TENM1: variants seen among roughly 807,000 people sequenced by gnomAD.
TENM1 encodes the protein teneurin-1.
A neutral mutation model predicts 174.8 loss-of-function variants in TENM1; 35 were observed. The observed-to-expected ratio is 0.20, with a 90% CI of 0.15 to 0.27. TENM1 has a LOEUF of 0.27. TENM1 is among the 10% of genes least tolerant of loss of function. The pLI, the probability that TENM1 is intolerant of heterozygous loss-of-function variation, is 1.00. For missense variants in TENM1, 1,633 were observed against 2,130.1 expected (o/e 0.77, Z 4.59); for synonymous variants, 781 against 798.7 (o/e 0.98, Z 0.37).
the TENM1 span, among the ~76,000 whole-genome samples, chrX:125,046,474 T>C: frequency 8.9e-6 from 1 of 112,336 alleles, no homozygotes; most frequent in Non-Finnish European, 1.9e-5. Context: ...TACCGTCTTC[T>C]ATGTAATCCC....
intron 18 of TENM1, among the ~76,000 whole-genome samples, chrX:124,507,459 A>T (rs936263723): frequency 9.0e-6 from 1 of 111,325 alleles, no homozygotes; most frequent in African/African-American, 3.3e-5. Flanking sequence ...TTTGCAGAGG[A>T]TTCTATCCTC....
At chrX:124,476,550 G>A (rs2046729524) in intron 22 of TENM1, among the ~76,000 whole-genome samples, 1 of 111,694 alleles carries the variant, frequency 9.0e-6, no homozygotes, top group African/African-American at 3.3e-5. Flanking sequence ...TTTGCCTGAA[G>A]ATGTACATGA....
At chrX:124,404,291 A>C (rs753874219) in intron 27 of TENM1, among the ~76,000 whole-genome samples, 36 of 111,220 alleles carry the variant, frequency 3.2e-4, no homozygotes, top group Middle Eastern at 4.7e-3. Context: ...TACATGTAGA[A>C]AGCTGGCCAC....
intron 23 of TENM1, among the ~76,000 whole-genome samples, chrX:124,446,312 C>T (rs1181234925): frequency 1.8e-5 from 2 of 112,499 alleles, no homozygotes; most frequent in Non-Finnish European, 3.8e-5. Context: ...CTCCGACTAA[C>T]AGTTTTCTCC....
At chrX:124,558,762 T>C (rs766730643) in intron 14 of TENM1, among the ~76,000 whole-genome samples, 1 of 111,527 alleles carries the variant, frequency 9.0e-6, no homozygotes, top group Non-Finnish European at 1.9e-5. Flanking sequence ...TCTATATTTA[T>C]CATCAATATC....
chrX:124,470,227 C>G (rs1371317813), intron 22 of TENM1, among the ~76,000 whole-genome samples: 1 of 112,025 alleles, frequency 8.9e-6, no homozygotes, highest in Non-Finnish European at 1.9e-5. Context: ...CAAGAGGCAA[C>G]TGGCTTAATA....
chrX:124,562,923 C>T (rs1159804783), intron 13 of TENM1, among the ~76,000 whole-genome samples: 1 of 111,673 alleles, frequency 9.0e-6, no homozygotes, highest in Non-Finnish European at 1.9e-5. Context: ...ACCCAGTGTT[C>T]CTTCTAAATA....
At chrX:124,626,181 G>A (rs977962319) in intron 11 of TENM1, among the ~76,000 whole-genome samples, 4 of 110,628 alleles carry the variant, frequency 3.6e-5, no homozygotes, top group Non-Finnish European at 7.6e-5. Flanking sequence ...CTACTCCAAC[G>A]GAGGTAGAAG....
At chrX:124,461,775 G>A (rs1298056709) in intron 22 of TENM1, among the ~76,000 whole-genome samples, 3 of 111,267 alleles carry the variant, frequency 2.7e-5, no homozygotes. Context: ...ATTAATCAAT[G>A]ATAGAAGAAA....
At chrX:124,852,496 A>T (rs1257850519) in intron 3 of TENM1, among the ~76,000 whole-genome samples, 3 of 111,260 alleles carry the variant, frequency 2.7e-5, no homozygotes, top group Admixed American at 9.6e-5. Context: ...GCCTAGAATA[A>T]ATAAAAAAAT....
chrX:124,697,612 T>A lies in TENM1; in HGVS notation c.1015+7401A>T, dbSNP rs769471294. On this transcript the variant is annotated intron_variant, in intron 5 of 31. Coordinates refer to ENST00000422452, the Ensembl canonical transcript of TENM1. ...ACTGAAGATGCCAAAGAGCTTTTGGTGACATGAGTTATATCTACATTAGAA... is the reference window on the plus strand; with the variant it reads ...ACTGAAGATGCCAAAGAGCTTTTGGAGACATGAGTTATATCTACATTAGAA... Among the ~76,000 whole-genome samples the A allele has an allele frequency of 4.5e-5, 5 of 111,208 alleles. No homozygotes were observed. In the East Asian group the frequency reaches 1.4e-3, roughly 31 times the overall value.
the TENM1 span, among the ~76,000 whole-genome samples, chrX:125,127,627 C>T: frequency 1.8e-5 from 2 of 110,995 alleles, no homozygotes; most frequent in Non-Finnish European, 3.8e-5. Context: ...GGAGAGGCAG[C>T]CCCATCCAGG....
upstream of TENM1, among the ~76,000 whole-genome samples, chrX:124,967,278 A>G (rs2058738659): frequency 9.0e-6 from 1 of 111,267 alleles, no homozygotes; most frequent in South Asian, 3.9e-4. Flanking sequence ...TTTGCTACAA[A>G]CAGTGCAAAT....
intron 14 of TENM1, among the ~76,000 whole-genome samples, chrX:124,552,257 C>T (rs767298039): frequency 7.2e-5 from 8 of 111,718 alleles, no homozygotes; most frequent in African/African-American, 2.3e-4. Context: ...TTTAGAAAGC[C>T]ATAAGCAATG....
chrX:124,930,144 C>T (rs912577389), intron 1 of TENM1, among the ~76,000 whole-genome samples: 44 of 110,498 alleles, frequency 4.0e-4, no homozygotes, highest in African/African-American at 1.3e-3. Flanking sequence ...CAGACACACG[C>T]GACAAGCATA....
chrX:124,548,246 A>G (rs1156298164), intron 14 of TENM1, among the ~76,000 whole-genome samples: 1 of 112,146 alleles, frequency 8.9e-6, no homozygotes, highest in African/African-American at 3.2e-5. Context: ...TGTACCACAA[A>G]TAAAACTCAT....
the TENM1 span, among the ~76,000 whole-genome samples, chrX:125,041,837 A>G: frequency 3.6e-5 from 4 of 111,458 alleles, no homozygotes; most frequent in Non-Finnish European, 7.6e-5. Context: ...ATAAGATTAT[A>G]TATTCCCTTA....
intron 5 of TENM1, among the ~76,000 whole-genome samples, chrX:124,690,696 T>C (rs1291756880): frequency 3.6e-5 from 4 of 110,551 alleles, no homozygotes; most frequent in Non-Finnish European, 7.6e-5. Flanking sequence ...AAGTGAGTTA[T>C]CTTCTTGTTC....
At chrX:124,399,741 C>T (rs1048174823) in intron 27 of TENM1, among the ~76,000 whole-genome samples, 1 of 111,331 alleles carries the variant, frequency 9.0e-6, no homozygotes, top group African/African-American at 3.3e-5. Flanking sequence ...CTGAGGTGGG[C>T]GGATGGCTTG....
Sources: gnomAD v4.1 joint callset for allele counts (sites outside exome capture counted in the v4.1 genomes callset) on GRCh38, gnomAD v4.1.1 for gene constraint, MANE v1.5 for transcripts, NCBI Gene and HGNC (gene_info 2026-07-23, HGNC 2026-07-21) for gene names.